SMYD3: variants seen among roughly 807,000 people sequenced by gnomAD.
The protein encoded by SMYD3 is SET and MYND domain containing 3, also known as histone-lysine N-methyltransferase SMYD3.
A neutral mutation model predicts 57.7 loss-of-function variants in SMYD3; 36 were observed. The observed-to-expected ratio is 0.62, with a 90% CI of 0.48 to 0.82. The LOEUF (loss-of-function observed/expected upper bound fraction) is 0.82, where lower values mean the gene tolerates loss of function less well. Among genes scored for constraint, SMYD3 ranks in the 40% least tolerant of loss-of-function variants. The probability of loss-of-function intolerance (pLI) is 0.00; values close to 1 mark genes in which losing one functional copy is unlikely to be tolerated. For missense variants in SMYD3, 515 were observed against 538.8 expected (o/e 0.96, Z 0.44); for synonymous variants, 211 against 195.0 (o/e 1.08, Z -0.68).
At chr1:245,897,207 G>T (rs1278212082) in intron 8 of SMYD3, among the ~76,000 whole-genome samples, 1 of 152,234 alleles carries the variant, frequency 6.6e-6, no homozygotes, top group African/African-American at 2.4e-5. Flanking sequence ...TCTTTAAGCT[G>T]AACCAGTAAG....
intron 1 of SMYD3, chr1:246,417,296 C>G (rs1243129107): frequency 2.0e-5 from 3 of 152,198 alleles, no homozygotes; most frequent in Admixed American, 6.5e-5. Flanking sequence ...TTCTTCTTAC[C>G]TGCTGCCCAG....
At chr1:246,066,246 A>C (rs1194537827) in intron 5 of SMYD3, among the ~76,000 whole-genome samples, 1 of 152,224 alleles carries the variant, frequency 6.6e-6, no homozygotes, top group African/African-American at 2.4e-5. Context: ...GTACGAACAC[A>C]GTCATTCAAA....
At chr1:245,806,916 CAAAAAAAAAAAA>C (rs112012738) in intron 10 of SMYD3, among the ~76,000 whole-genome samples, 33 of 41,336 alleles carry the variant, frequency 8.0e-4, no homozygotes, top group African/African-American at 1.7e-3. Flanking sequence ...GACTCCGTCT[CAAAAAAAAAAAA>C]AAAAAAAAAA....
At chr1:246,055,662 T>G (rs192651182) in intron 5 of SMYD3, among the ~76,000 whole-genome samples, 11 of 152,324 alleles carry the variant, frequency 7.2e-5, no homozygotes, top group African/African-American at 2.6e-4. Context: ...CAATGCAATA[T>G]TATTCAGCCT....
intron 5 of SMYD3, among the ~76,000 whole-genome samples, chr1:246,319,981 A>ATG (rs1238676949): frequency 6.6e-6 from 1 of 152,216 alleles, no homozygotes. Flanking sequence ...ATCACTCTAA[A>ATG]TGTAAAGGCA....
At chr1:245,774,121 T>C (rs1206392425) in intron 10 of SMYD3, among the ~76,000 whole-genome samples, 1 of 152,190 alleles carries the variant, frequency 6.6e-6, no homozygotes, top group East Asian at 1.9e-4. Context: ...GAAGGCATTG[T>C]CAGGCCAGAA....
At chr1:246,030,991 G>C (rs955745750) in intron 5 of SMYD3, among the ~76,000 whole-genome samples, 2 of 152,102 alleles carry the variant, frequency 1.3e-5, no homozygotes, top group Non-Finnish European at 2.9e-5. Flanking sequence ...TGTAGGGAGA[G>C]GACAGGGCTG....
intron 10 of SMYD3, among the ~76,000 whole-genome samples, chr1:245,808,979 T>C (rs2048323643): frequency 6.6e-6 from 1 of 152,106 alleles, no homozygotes; most frequent in Non-Finnish European, 1.5e-5. Context: ...GCCAGGCTGG[T>C]CTTGGACTCC....
intron 5 of SMYD3, among the ~76,000 whole-genome samples, chr1:246,088,830 G>C (rs2060772552): frequency 3.4e-5 from 4 of 117,414 alleles, no homozygotes; most frequent in African/African-American, 1.0e-4. Context: ...TGTATAGGAA[G>C]ATGGCAAATG....
At chr1:246,026,696 C>A (rs1247177249) in intron 5 of SMYD3, among the ~76,000 whole-genome samples, 1 of 152,204 alleles carries the variant, frequency 6.6e-6, no homozygotes, top group Non-Finnish European at 1.5e-5. Flanking sequence ...GACAGCTTCA[C>A]CAACTTCATT....
At chr1:246,147,940 G>A (rs1482331561) in intron 5 of SMYD3, among the ~76,000 whole-genome samples, 2 of 152,108 alleles carry the variant, frequency 1.3e-5, no homozygotes, top group African/African-American at 4.8e-5. Context: ...AGGCTCGGGG[G>A]TGTCTGCTCC....
At chr1:245,844,054 T>A (rs1339237237) in intron 10 of SMYD3, among the ~76,000 whole-genome samples, 1 of 152,184 alleles carries the variant, frequency 6.6e-6, no homozygotes, top group East Asian at 1.9e-4. Context: ...ATGAAATGTG[T>A]CTTTCCTCAA....
intron 5 of SMYD3, among the ~76,000 whole-genome samples, chr1:246,127,843 C>G (rs1331847390): frequency 6.6e-6 from 1 of 151,842 alleles, no homozygotes; most frequent in Non-Finnish European, 1.5e-5. Flanking sequence ...TTGCAGTGAG[C>G]CACGATCACG....
intron 1 of SMYD3, among the ~76,000 whole-genome samples, chr1:246,446,453 T>C (rs1465353047): frequency 5.3e-5 from 8 of 152,140 alleles, no homozygotes; most frequent in African/African-American, 1.9e-4. Flanking sequence ...TATTATCCAA[T>C]AAATTCTGTG....
chr1:246,328,166 C>T (rs1236853215), intron 4 of SMYD3, among the ~76,000 whole-genome samples: 2 of 152,030 alleles, frequency 1.3e-5, no homozygotes, highest in Admixed American at 6.6e-5. Context: ...TGCACTCCAG[C>T]CTGGACAAAA....
rs1186340123 is a variant in SMYD3, at chr1:245,977,004, CCAGGGAAAGCCA to C, written c.532-47079_532-47068del. Among the ~76,000 whole-genome samples the C allele has an allele frequency of 3.2e-3, 336 of 104,730 alleles. 93 individuals carry two copies. The highest frequency in any genetic ancestry group is 0.01 in the Middle Eastern group (2 of 196). The allele number at this position is 104,730 out of a possible 152,430, so 68.7% of individuals were successfully genotyped here. A position where few individuals can be genotyped will look rare whatever the true frequency, so the allele number is the denominator to read the frequency against. ...CCCAGGGAAAGCCATCGTCTCTAGC[CCAGGGAAAGCCA>C]TCGTCTCTAGCCCAGGGAAAGCCAT... On this transcript the variant is annotated intron_variant, in intron 5 of 11. Coordinates refer to ENST00000490107, the MANE Select transcript of SMYD3 (RefSeq NM_001167740.2).
chr1:246,053,708 G>A (rs7535119), intron 5 of SMYD3, among the ~76,000 whole-genome samples: 2,264 of 151,998 alleles, frequency 0.015, 33 homozygotes, highest in South Asian at 0.034. Context: ...CCTGCTACTC[G>A]AGAGGCTGAG....
intron 9 of SMYD3, 108 bp from the exon 10 acceptor site, chr1:245,858,778 C>T: frequency 1.8e-6 from 2 of 1,141,368 alleles, no homozygotes; most frequent in Non-Finnish European, 2.5e-6. Context: ...GCGAGGGAAG[C>T]ACCCGTTATT....
chr1:245,816,995 T>A (rs2148318555), intron 10 of SMYD3, among the ~76,000 whole-genome samples: 1 of 151,578 alleles, frequency 6.6e-6, no homozygotes, highest in South Asian at 2.1e-4. Context: ...TGCCCAGGCT[T>A]GCTTAGGTAA....
Sources: gnomAD v4.1 joint callset for allele counts (sites outside exome capture counted in the v4.1 genomes callset) on GRCh38, gnomAD v4.1.1 for gene constraint, MANE v1.5 for transcripts, NCBI Gene and HGNC (gene_info 2026-07-23, HGNC 2026-07-21) for gene names.